The following MROH9 variants were observed in gnomAD, a reference collection of about 807,000 sequenced individuals.
The protein encoded by MROH9 is maestro heat like repeat family member 9, also known as maestro heat-like repeat-containing protein family member 9.
A neutral mutation model predicts 98.2 loss-of-function variants in MROH9; 92 were observed. That is an observed-to-expected ratio of 0.94 (90% confidence interval 0.79 to 1.11). MROH9 has a LOEUF of 1.11. MROH9 is among the 50% of genes most tolerant of loss of function. The pLI is 0.00. For missense variants in MROH9, 1,057 were observed against 1,014.8 expected, an observed-to-expected ratio of 1.04 and a Z score of -0.57; for synonymous variants, 397 against 368.9, an observed-to-expected ratio of 1.08 and a Z score of -0.87.
At chr1:170,969,706 A>G (rs1448058602) in intron 7 of MROH9, among the ~76,000 whole-genome samples, 1 of 152,000 alleles carries the variant, frequency 6.6e-6, no homozygotes, top group Non-Finnish European at 1.5e-5. Flanking sequence ...CAGATCTACA[A>G]AGAAAGGGCA....
chr1:171,009,048 G>A (rs1027744340), intron 15 of MROH9, among the ~76,000 whole-genome samples: 3 of 149,680 alleles, frequency 2.0e-5, no homozygotes, highest in Non-Finnish European at 4.4e-5. Flanking sequence ...TAAAATATAA[G>A]GATTTTTAAA....
chr1:171,048,522 C>T (rs556592958), intron 20 of MROH9, among the ~76,000 whole-genome samples: 1 of 152,188 alleles, frequency 6.6e-6, no homozygotes, highest in East Asian at 1.9e-4. Flanking sequence ...GCTGCCTGGC[C>T]CACGATTCAC....
rs555394638 is a variant in MROH9 at position 171,042,397 on chromosome 1, G to A, written c.2281+16977G>A. Among the ~76,000 whole-genome samples the A allele has an allele frequency of 1.5e-3, 235 of 152,174 alleles. 2 individuals carry two copies. The highest frequency in any genetic ancestry group is 2.7e-3 in the Non-Finnish European group (182 of 67,922). On this transcript the variant is annotated intron_variant, in intron 20 of 21. Transcript: ENST00000367759. ...TTTCTTTATGCATTAATCTGTTGAT[G>A]AACATTTAGGTTGCTTCCAAGTTTT... is the stretch of plus-strand genomic sequence containing the variant.
chr1:170,994,571 G>A (rs1361091628), intron 12 of MROH9, among the ~76,000 whole-genome samples: 1 of 151,856 alleles, frequency 6.6e-6, no homozygotes, highest in African/African-American at 2.4e-5. Context: ...TAGAGAATGG[G>A]GTACCCATCC....
chr1:170,957,818 G>GT (rs1419496693), intron 3 of MROH9, among the ~76,000 whole-genome samples: 22 of 118,548 alleles, frequency 1.9e-4, no homozygotes, highest in South Asian at 1.4e-3. Flanking sequence ...TTGTTTGTTT[G>GT]TTTTTTTTGA....
intron 17 of MROH9, among the ~76,000 whole-genome samples, chr1:171,020,441 A>T (rs1186212344): frequency 2.0e-5 from 3 of 152,212 alleles, no homozygotes; most frequent in South Asian, 2.1e-4. Flanking sequence ...CATCCCCGGG[A>T]CGCAAGCCTG....
intron 15 of MROH9, among the ~76,000 whole-genome samples, chr1:171,003,696 G>T (rs1651858023): frequency 6.6e-6 from 1 of 152,168 alleles, no homozygotes; most frequent in African/African-American, 2.4e-5. Context: ...GTGTTTTAAT[G>T]CTCTATTTTT....
Position 170,989,979 on chromosome 1 carries a change from T to C in MROH9, c.1004T>C (p.Met335Thr). 11 of 1,612,590 alleles carry C rather than the reference T, an allele frequency of 6.8e-6. No individual in the cohort carries two copies. Among genetic ancestry groups the C allele is most frequent in the Non-Finnish European group, 9.3e-6 (11 of 1,179,018 alleles). The change falls in exon 11 of 22, where the codon ATG (methionine) becomes ACG (threonine). Residue 335 changes from methionine (M) to threonine (T), a missense_variant. Physicochemically the swap from Met to Thr is moderately conservative, Grantham distance 81. Transcript: ENST00000367759. The stretch of plus-strand genomic sequence containing the variant: ...CCCAAGAAGGTCATCTTTCAACTTA[T>C]GGACTACCCAGTTCCAGCAGACGAG... ...TSPKKVIFQLMDYPVPADDTL... is the reference protein window; with the variant it reads ...TSPKKVIFQLTDYPVPADDTL...
intron 11 of MROH9, among the ~76,000 whole-genome samples, chr1:170,991,753 T>C (rs1005461737): frequency 6.6e-6 from 1 of 152,174 alleles, no homozygotes; most frequent in Non-Finnish European, 1.5e-5. Flanking sequence ...TTTTAATTTT[T>C]ATATTAATCT....
At chr1:171,057,535 A>G (rs1188145283) in intron 20 of MROH9, among the ~76,000 whole-genome samples, 1 of 152,204 alleles carries the variant, frequency 6.6e-6, no homozygotes, top group Non-Finnish European at 1.5e-5. Flanking sequence ...CAAGCTGGAA[A>G]AAGCACTTCA....
chr1:171,014,706 G>A (rs563164941), intron 16 of MROH9, among the ~76,000 whole-genome samples: 2 of 152,234 alleles, frequency 1.3e-5, no homozygotes, highest in East Asian at 3.9e-4. Flanking sequence ...AAGTCAAACT[G>A]CACTGAAAAT....
At chr1:171,061,114 A>G (rs1216030330) in intron 20 of MROH9, among the ~76,000 whole-genome samples, 3 of 152,228 alleles carry the variant, frequency 2.0e-5, no homozygotes, top group African/African-American at 4.8e-5. Context: ...GCCAGTAAAT[A>G]CACACATGAT....
chr1:170,978,151 A>T (rs1026839083), intron 8 of MROH9, among the ~76,000 whole-genome samples: 4 of 152,096 alleles, frequency 2.6e-5, no homozygotes, highest in Admixed American at 2.6e-4. Context: ...TTGTTCAGCC[A>T]GTAGGGTGGG....
chr1:170,996,592 G>A lies in MROH9; in HGVS notation c.1423G>A (p.Asp475Asn), dbSNP rs778433090. ...TACTCTAATGAAGGAGAATTTCTGGGACCAGTTATCTGAAGATCTGTGTTA... is the reference window on the plus strand; with the variant it reads ...TACTCTAATGAAGGAGAATTTCTGGAACCAGTTATCTGAAGATCTGTGTTA... Reference protein sequence around the residue: ...DITLMKENFWDQLSEDLCYYH... With the variant: ...DITLMKENFWNQLSEDLCYYH... Residue 475 changes from aspartate to asparagine, a missense_variant, in exon 14 of 22, where the codon GAC (aspartate) becomes AAC (asparagine). Physicochemically the swap from Asp to Asn is conservative, Grantham distance 23 (BLOSUM62 1). Transcript: ENST00000367759. The A allele has an allele frequency of 3.7e-6, 6 of 1,613,564 alleles. No homozygotes were observed. In the Admixed American group the frequency reaches 8.3e-5, roughly 22 times the overall value.
At chr1:171,025,289 G>A (rs1553219787) in intron 19 of MROH9, 29 bp from the exon 20 acceptor site, 2 of 1,358,794 alleles carry the variant, frequency 1.5e-6, no homozygotes, top group South Asian at 1.2e-5. Context: ...GCAATCGAGT[G>A]AGGTGCTTTT....
At chr1:171,041,663 G>A (rs1370976307) in intron 20 of MROH9, among the ~76,000 whole-genome samples, 39 of 151,754 alleles carry the variant, frequency 2.6e-4, no homozygotes, top group Admixed American at 2.6e-3. Flanking sequence ...TTCCATAGAA[G>A]ATGTACTAAA....
At chr1:171,006,910 T>C (rs1273949709) in intron 15 of MROH9, among the ~76,000 whole-genome samples, 1 of 152,184 alleles carries the variant, frequency 6.6e-6, no homozygotes, top group Non-Finnish European at 1.5e-5. Context: ...TTGTATCTCA[T>C]TGAGCTTCTT....
At chr1:171,009,704 A>G (rs1055267189) in intron 15 of MROH9, among the ~76,000 whole-genome samples, 9 of 152,240 alleles carry the variant, frequency 5.9e-5, no homozygotes, top group Non-Finnish European at 1.5e-5. Context: ...GTACTTTAGC[A>G]TCCATTTCTA....
At chr1:170,986,497 A>C in intron 9 of MROH9, 64 bp from the exon 10 acceptor site, 3 of 1,528,956 alleles carry the variant, frequency 2.0e-6, no homozygotes, top group Non-Finnish European at 2.6e-6. Flanking sequence ...ACCATGTCTG[A>C]GTTTAGCTGT....
Sources: gnomAD v4.1 joint callset for allele counts (sites outside exome capture counted in the v4.1 genomes callset) on GRCh38, gnomAD v4.1.1 for gene constraint, MANE v1.5 for transcripts, NCBI Gene and HGNC (gene_info 2026-07-23, HGNC 2026-07-21) for gene names.